The following RBL2 variants were observed in gnomAD, a reference collection of about 807,000 sequenced individuals.
RBL2 encodes RB transcriptional corepressor like 2.
Under a neutral mutation model 126.0 loss-of-function variants are expected in RBL2, and 56 were observed. The observed-to-expected ratio is 0.44, with a 90% CI of 0.36 to 0.56. RBL2 has a LOEUF of 0.56. RBL2 is among the 20% of genes least tolerant of loss of function. The pLI is 0.00. For missense variants in RBL2, 1,229 were observed against 1,398.2 expected, an observed-to-expected ratio of 0.88 and a Z score of 1.93; for synonymous variants, 454 against 478.5, an observed-to-expected ratio of 0.95 and a Z score of 0.67.
At chr16:53,454,171 G>T in intron 7 of RBL2, 1 of 439,674 alleles carries the variant, frequency 2.3e-6, no homozygotes, top group South Asian at 1.7e-5. Flanking sequence ...TGAGCTTGGG[G>T]ATAGCAGGAT....
chr16:53,455,711 C>T (rs2058160802), intron 8 of RBL2, among the ~76,000 whole-genome samples: 1 of 152,122 alleles, frequency 6.6e-6, no homozygotes, highest in South Asian at 2.1e-4. Context: ...CGGTGTCACA[C>T]ACCAGAAGTA....
Position 53,440,649 on chromosome 16 carries a change from G to A in RBL2, c.371+1503G>A, listed in dbSNP as rs2058005921. The stretch of plus-strand genomic sequence containing the variant: ...GCTCATTGCAGCCTCTGCCTCCCAG[G>A]TTCAAACGATTCTCCCGCTGTGGCC... On this transcript the variant is annotated intron_variant, in intron 2 of 21. Transcript: ENST00000262133. 2.0e-5 allele frequency among the ~76,000 whole-genome samples: 3 copies of A among 152,252 alleles called. No homozygotes were observed. The South Asian group carries it at 6.2e-4, about 32-fold the overall frequency.
intron 3 of RBL2, 136 bp downstream of exon 3, chr16:53,442,994 A>C: frequency 1.4e-6 from 1 of 699,252 alleles, no homozygotes. Context: ...GTTTTCTTTT[A>C]ATGATGCTTT....
At chr16:53,468,127 T>TA (rs2058288376) in intron 14 of RBL2, among the ~76,000 whole-genome samples, 1 of 152,238 alleles carries the variant, frequency 6.6e-6, no homozygotes. Context: ...AGCAATTCAG[T>TA]AAATCCAGAG....
At chr16:53,477,180 C>G (rs16952267) in intron 17 of RBL2, among the ~76,000 whole-genome samples, 2 of 152,006 alleles carry the variant, frequency 1.3e-5, no homozygotes, top group Admixed American at 6.6e-5. Flanking sequence ...TTAACTGTTT[C>G]GTTACACATA....
In RBL2 at chr16:53,491,346, A is replaced by G. The variant is rs1468553751; in HGVS notation, c.*1046A>G. 6.6e-6 allele frequency: 1 copy of G among 152,240 alleles called. No individual in the cohort carries two copies. Among genetic ancestry groups the G allele is most frequent in the Non-Finnish European group, 1.5e-5 (1 of 68,036 alleles). 9.4% of individuals were successfully genotyped at this position (152,240 alleles called of 1,614,324 possible). On this transcript the variant is annotated 3_prime_UTR_variant, in exon 22 of 22. Transcript: ENST00000262133. The stretch of plus-strand genomic sequence containing the variant: ...AGGTTTTTATTAGTACCATAGTACC[A>G]TTTATACAAATTAGAAAATGTTATT...
At chr16:53,466,691 G>T (rs2058275559) in intron 13 of RBL2, 1 of 200,542 alleles carries the variant, frequency 5.0e-6, no homozygotes. Context: ...ATGGGGAGCA[G>T]CTTTAAATAC....
At chr16:53,459,151 A>G (rs572054806) in intron 8 of RBL2, among the ~76,000 whole-genome samples, 2 of 152,190 alleles carry the variant, frequency 1.3e-5, no homozygotes, top group East Asian at 1.9e-4. Flanking sequence ...ACAAGAGGGA[A>G]TGTAGGGAGC....
intron 21 of RBL2, chr16:53,488,819 T>C (rs1011283122): frequency 5.3e-5 from 8 of 152,162 alleles, no homozygotes; most frequent in African/African-American, 1.7e-4. Context: ...GTAAGAAATA[T>C]TCAAGCAAAT....
chr16:53,442,927 T>G, intron 3 of RBL2, 69 bp downstream of exon 3: 3 of 1,086,520 alleles, frequency 2.8e-6, no homozygotes, highest in Non-Finnish European at 2.5e-6. Context: ...TTCTGCTAGG[T>G]TTTTTTTTTC....
intron 1 of RBL2, 113 bp downstream of exon 1, chr16:53,434,909 G>T: frequency 1.5e-6 from 2 of 1,366,586 alleles, no homozygotes; most frequent in African/African-American, 1.5e-5. Flanking sequence ...TCCCAGCCCC[G>T]AGAGGGGTGG....
intron 19 of RBL2, 35 bp from the exon 20 acceptor site, chr16:53,480,532 C>A: frequency 6.3e-7 from 1 of 1,581,084 alleles, no homozygotes; most frequent in South Asian, 1.1e-5. Flanking sequence ...TATTAGCAGC[C>A]TTTGTACTGA....
chr16:53,471,163 AGTT>A (rs1397102482), intron 17 of RBL2, among the ~76,000 whole-genome samples: 1 of 152,142 alleles, frequency 6.6e-6, no homozygotes, highest in African/African-American at 2.4e-5. Flanking sequence ...TGTATATTTT[AGTT>A]GTTTCTACTT....
intron 14 of RBL2, among the ~76,000 whole-genome samples, chr16:53,468,252 C>T (rs2058289183): frequency 6.6e-6 from 1 of 152,088 alleles, no homozygotes; most frequent in South Asian, 2.1e-4. Flanking sequence ...TCAGGATTCA[C>T]TCTAGGCTGG....
intron 8 of RBL2, among the ~76,000 whole-genome samples, chr16:53,458,384 C>T (rs1319445645): frequency 6.6e-6 from 1 of 152,198 alleles, no homozygotes; most frequent in Non-Finnish European, 1.5e-5. Context: ...GACACCAAGT[C>T]ACATCTTCTC....
At chr16:53,474,864 T>C (rs183868228) in intron 17 of RBL2, among the ~76,000 whole-genome samples, 1 of 152,146 alleles carries the variant, frequency 6.6e-6, no homozygotes, top group East Asian at 1.9e-4. Context: ...ATTTAGGTAT[T>C]ATATTTTTTC....
intron 4 of RBL2, among the ~76,000 whole-genome samples, chr16:53,451,305 A>C (rs1293717654): frequency 3.3e-5 from 5 of 152,184 alleles, no homozygotes; most frequent in Non-Finnish European, 7.3e-5. Flanking sequence ...CAGGAGTTCA[A>C]GACCAGCCTG....
At chr16:53,437,709 T>G (rs1243939422) in intron 1 of RBL2, among the ~76,000 whole-genome samples, 5 of 152,250 alleles carry the variant, frequency 3.3e-5, no homozygotes, top group African/African-American at 1.2e-4. Flanking sequence ...TCTATCACTT[T>G]TCTAGATTTT....
chr16:53,470,133 A>G lies in RBL2; in HGVS notation c.2193A>G (p.Ala731=), dbSNP rs554011464. ...PVPGQTLVTM[A]TATVTANNGQ... ...CTGGACAGACTTTGGTCACCATGGCAACCGCCACTGTCACAGCCAACAATG... is the reference window on the plus strand; with the variant it reads ...CTGGACAGACTTTGGTCACCATGGCGACCGCCACTGTCACAGCCAACAATG... The change falls in exon 15 of 22, where the codon GCA becomes GCG. Residue 731 remains alanine, a synonymous_variant. Coordinates refer to ENST00000262133, the MANE Select transcript of RBL2 (RefSeq NM_005611.4). 3.7e-6 allele frequency: 6 copies of G among 1,611,122 alleles called. No individual in the cohort carries two copies. In the African/African-American group the frequency reaches 6.7e-5, roughly 18 times the overall value.
Sources: gnomAD v4.1 joint callset for allele counts (sites outside exome capture counted in the v4.1 genomes callset) on GRCh38, gnomAD v4.1.1 for gene constraint, MANE v1.5 for transcripts, NCBI Gene and HGNC (gene_info 2026-07-23, HGNC 2026-07-21) for gene names.